The following UTRN variants were observed in gnomAD, a reference collection of about 807,000 sequenced individuals.
UTRN encodes dystrophin-related protein 1.
UTRN carries 283 observed loss-of-function variants against 463.9 expected under a neutral mutation model. That is an observed-to-expected ratio of 0.61 (90% CI 0.55 to 0.67). The LOEUF is 0.67. Among genes scored for constraint, UTRN ranks in the 30% least tolerant of loss-of-function variants. The pLI, the probability that UTRN is intolerant of heterozygous loss-of-function variation, is 0.00. For synonymous variants in UTRN, 1,442 were observed against 1,431.5 expected, an observed-to-expected ratio of 1.01 and a Z score of -0.17; for missense variants, 3,922 against 4,084.3, an observed-to-expected ratio of 0.96 and a Z score of 1.08.
chr6:144,689,701 A>G (rs1783122448), intron 52 of UTRN, among the ~76,000 whole-genome samples: 1 of 152,212 alleles, frequency 6.6e-6, no homozygotes, highest in Non-Finnish European at 1.5e-5. Context: ...GGGGGGTTGC[A>G]GAGGAGTGAT....
chr6:144,391,849 C>T (rs1781963194), intron 2 of UTRN, among the ~76,000 whole-genome samples: 1 of 152,210 alleles, frequency 6.6e-6, no homozygotes, highest in African/African-American at 2.4e-5. Flanking sequence ...CACCTGTTAG[C>T]CATGATGGTC....
chr6:144,417,989 T>C (rs988679739), intron 3 of UTRN, among the ~76,000 whole-genome samples: 2 of 152,048 alleles, frequency 1.3e-5, no homozygotes, highest in Non-Finnish European at 2.9e-5. Flanking sequence ...TTGTTGATAT[T>C]TTATTACACT....
intron 13 of UTRN, among the ~76,000 whole-genome samples, chr6:144,443,965 T>G (rs1195282044): frequency 6.6e-6 from 1 of 152,118 alleles, no homozygotes; most frequent in Non-Finnish European, 1.5e-5. Context: ...TTTAATAATA[T>G]GTAAAAATGT....
chr6:144,332,800 TCTGTGCTTTGAACACTTTATTCTTA>T (rs1406701990), intron 2 of UTRN, among the ~76,000 whole-genome samples: 4 of 152,122 alleles, frequency 2.6e-5, no homozygotes, highest in Non-Finnish European at 4.4e-5. Context: ...TTTACTCTTA[TCTGTGCTTTGAACACTTTATTCTTA>T]TAATTAATAT....
intron 2 of UTRN, among the ~76,000 whole-genome samples, chr6:144,300,589 G>C (rs986916623): frequency 2.0e-5 from 3 of 152,172 alleles, no homozygotes; most frequent in Admixed American, 6.5e-5. Flanking sequence ...AGTGACTTGA[G>C]ATACGGAATT....
rs564893199 is a variant in UTRN at position 144,670,660 on chromosome 6, ATTGTTT to A, written c.7480-7740_7480-7735del. ...TTTAATTAAGTCCCGTCTATTTATA[ATTGTTT>A]TTGTTGCATTTGCTTTTGGGTTCTT... On this transcript the variant is annotated intron_variant, in intron 51 of 74. Coordinates refer to ENST00000367545, the MANE Select transcript of UTRN (RefSeq NM_007124.3). Among the ~76,000 whole-genome samples the A allele has an allele frequency of 2.7e-3, 408 of 151,906 alleles. 2 individuals are homozygous for A. The highest frequency in any genetic ancestry group is 9.2e-3 in the African/African-American group (382 of 41,446).
rs1789152922 is a variant in UTRN, at chr6:144,459,068, G to C, written c.2526+57G>C. 3 of 1,566,192 alleles carry C rather than the reference G, an allele frequency of 1.9e-6. No individual in the cohort carries two copies. The South Asian group carries it at 3.6e-5, about 19-fold the overall frequency. The stretch of plus-strand genomic sequence containing the variant: ...ATTCTATGTGCAGTTCCAGAGTTAA[G>C]GAGGGCTTCTCGTATCATGAACTTT... On this transcript the variant is annotated intron_variant, in intron 20 of 74. Transcript: ENST00000367545.
At chr6:144,806,235 C>G in intron 65 of UTRN, among the ~76,000 whole-genome samples, 1 of 152,160 alleles carries the variant, frequency 6.6e-6, no homozygotes, top group East Asian at 1.9e-4. Flanking sequence ...ATGAATTCCA[C>G]TCTCCAACTA....
chr6:144,792,408 G>A (rs1367108343), intron 62 of UTRN, among the ~76,000 whole-genome samples: 1 of 152,156 alleles, frequency 6.6e-6, no homozygotes, highest in Non-Finnish European at 1.5e-5. Context: ...TTAGCTGGGT[G>A]TGGTGGTGCA....
chr6:144,769,420 A>C (rs1793756218), intron 58 of UTRN, among the ~76,000 whole-genome samples: 1 of 152,184 alleles, frequency 6.6e-6, no homozygotes, highest in African/African-American at 2.4e-5. Flanking sequence ...ATCAACTGGT[A>C]TTGAATTCAC....
intron 52 of UTRN, among the ~76,000 whole-genome samples, chr6:144,679,354 C>T (rs1016412088): frequency 2.6e-5 from 4 of 152,034 alleles, no homozygotes; most frequent in Admixed American, 6.6e-5. Context: ...TTAGTGAATA[C>T]TGGCTGAAAA....
At chr6:144,626,600 A>G (rs926822262) in intron 51 of UTRN, among the ~76,000 whole-genome samples, 5 of 152,084 alleles carry the variant, frequency 3.3e-5, no homozygotes, top group African/African-American at 1.2e-4. Flanking sequence ...GTTTCCCCCA[A>G]CACTGAGATT....
chr6:144,560,397 A>C (rs572263755), intron 50 of UTRN, among the ~76,000 whole-genome samples: 6 of 151,582 alleles, frequency 4.0e-5, no homozygotes, highest in African/African-American at 1.5e-4. Flanking sequence ...TAGAAGCCAT[A>C]TCAGATGAAA....
rs567555339 is a variant in UTRN at position 144,818,106 on chromosome 6, G to C, written c.9358-2776G>C. Among the ~76,000 whole-genome samples, 11 of 152,244 alleles carry C rather than the reference G, an allele frequency of 7.2e-5. No individual in the cohort carries two copies. In the South Asian group the frequency reaches 2.1e-3, roughly 29 times the overall value. ...AATTTGTCATTTTTTTCACAAGCAA[G>C]AGTTCATGTTGGAACTCAAATATAG... On this transcript the variant is annotated intron_variant, in intron 65 of 74. Coordinates refer to ENST00000367545, the MANE Select transcript of UTRN (RefSeq NM_007124.3).
chr6:144,412,476 G>A (rs2114821501), intron 3 of UTRN, among the ~76,000 whole-genome samples: 1 of 151,982 alleles, frequency 6.6e-6, no homozygotes, highest in East Asian at 1.9e-4. Context: ...TTGAAATTGG[G>A]GTTCATGAGT....
intron 2 of UTRN, among the ~76,000 whole-genome samples, chr6:144,388,468 CT>C (rs1302295181): frequency 7.4e-6 from 1 of 135,978 alleles, no homozygotes; most frequent in Non-Finnish European, 1.5e-5. Context: ...GTGGACCATT[CT>C]GCCTGGCTAA....
In UTRN at chr6:144,432,735, G is replaced by A. The variant is rs147009832; in HGVS notation, c.855+2994G>A. The stretch of plus-strand genomic sequence containing the variant: ...TCATTCTTGGGTGTTTCTCGCAGAG[G>A]GGGATTTGGCAGGGTCACAGGACAA... On this transcript the variant is annotated intron_variant, in intron 9 of 74. Coordinates refer to ENST00000367545, the MANE Select transcript of UTRN (RefSeq NM_007124.3). 0.012 allele frequency among the ~76,000 whole-genome samples: 1,774 copies of A among 152,020 alleles called. 68 individuals are homozygous for A. The East Asian group carries it at 0.13, about 11-fold the overall frequency.
chr6:144,638,916 T>G (rs1777478942), intron 51 of UTRN, among the ~76,000 whole-genome samples: 1 of 151,822 alleles, frequency 6.6e-6, no homozygotes, highest in Non-Finnish European at 1.5e-5. Context: ...TCTAAGAAAT[T>G]TTTTAAAAAA....
chr6:144,366,353 C>T (rs141510706), intron 2 of UTRN, among the ~76,000 whole-genome samples: 61 of 152,304 alleles, frequency 4.0e-4, no homozygotes, highest in African/African-American at 1.4e-3. Flanking sequence ...CACCCAGGTA[C>T]TAGGCCTAAT....
Sources: gnomAD v4.1 joint callset for allele counts (sites outside exome capture counted in the v4.1 genomes callset) on GRCh38, gnomAD v4.1.1 for gene constraint, MANE v1.5 for transcripts, NCBI Gene and HGNC (gene_info 2026-07-23, HGNC 2026-07-21) for gene names.